The following RIF1 variants were observed in gnomAD, a reference collection of about 807,000 sequenced individuals.
RIF1 encodes telomere-associated protein RIF1.
A neutral mutation model predicts 247.1 loss-of-function variants in RIF1; 45 were observed. The observed-to-expected ratio is 0.18, with a 90% CI of 0.14 to 0.23. The LOEUF (loss-of-function observed/expected upper bound fraction) is 0.23, where lower values mean the gene tolerates loss of function less well. RIF1 is among the 10% of genes least tolerant of loss of function. The probability of loss-of-function intolerance (pLI) is 1.00; values close to 1 mark genes in which losing one functional copy is unlikely to be tolerated. For missense variants in RIF1, 2,967 were observed against 2,862.5 expected, an observed-to-expected ratio of 1.04 and a Z score of -0.83; for synonymous variants, 1,087 against 978.8, an observed-to-expected ratio of 1.11 and a Z score of -2.06.
the RIF1 span, chr2:151,530,947 G>T: frequency 7.8e-7 from 1 of 1,279,682 alleles, no homozygotes; most frequent in Non-Finnish European, 1.1e-6. Context: ...CATCTCATTA[G>T]AAGGAGGCCA....
chr2:151,505,732 G>C (rs143183687), intron 12 of RIF1, among the ~76,000 whole-genome samples: 1 of 152,168 alleles, frequency 6.6e-6, no homozygotes, highest in Non-Finnish European at 1.5e-5. Flanking sequence ...CTGATACTGG[G>C]TAAGAGGAGA....
At chr2:151,456,697 T>G in intron 23 of RIF1, 77 bp downstream of exon 23, 1 of 856,542 alleles carries the variant, frequency 1.2e-6, no homozygotes, top group Non-Finnish European at 1.8e-6. Flanking sequence ...TTCTTAAACA[T>G]AATTCTGCTG....
chr2:151,466,559 A>AT (rs2152509546), intron 30 of RIF1, among the ~76,000 whole-genome samples: 1 of 152,032 alleles, frequency 6.6e-6, no homozygotes, highest in South Asian at 2.1e-4. Flanking sequence ...AAAAAAAAAA[A>AT]CTCATGTGCC....
chr2:151,422,780 G>A (rs1293065508), intron 7 of RIF1, among the ~76,000 whole-genome samples, 170 bp from the exon 8 acceptor site: 1 of 151,754 alleles, frequency 6.6e-6, no homozygotes, highest in Non-Finnish European at 1.5e-5. Context: ...GCCTCCCAAA[G>A]TGCTGGGATT....
intron 9 of RIF1, chr2:151,495,204 C>T (rs1452683056): frequency 1.3e-5 from 2 of 152,178 alleles, no homozygotes; most frequent in African/African-American, 4.8e-5. Flanking sequence ...CATGATAAAT[C>T]CTCAACCTCG....
At chr2:151,422,052 G>A (rs931773838) in intron 7 of RIF1, among the ~76,000 whole-genome samples, 3 of 151,794 alleles carry the variant, frequency 2.0e-5, no homozygotes, top group South Asian at 2.1e-4. Context: ...GGCTGGTCTC[G>A]AACTCCTGAC....
At chr2:151,527,480 C>T in the RIF1 span, 1 of 1,609,632 alleles carries the variant, frequency 6.2e-7, no homozygotes, top group East Asian at 2.2e-5. Flanking sequence ...TCCTGTCTTA[C>T]ATCGCTTTGC....
chr2:151,534,425 G>C, the RIF1 span: 8 of 914,896 alleles, frequency 8.7e-6, no homozygotes, highest in Middle Eastern at 2.2e-4. Flanking sequence ...ATCTCTAGTG[G>C]CGGGCTCCCA....
chr2:151,507,184 G>A, intron 13 of RIF1: 1 of 549,050 alleles, frequency 1.8e-6, no homozygotes, highest in South Asian at 2.5e-5. Flanking sequence ...ATTTTGTGGA[G>A]AAACTAATTT....
the RIF1 span, chr2:151,527,598 GGA>G: frequency 1.1e-5 from 17 of 1,589,412 alleles, no homozygotes; most frequent in Non-Finnish European, 1.5e-5. Context: ...GTTTTTAACA[GGA>G]GAGAAAGGAA....
In RIF1 at chr2:151,416,575, G is replaced by A; in HGVS notation, c.295G>A (p.Glu99Lys). The A allele has an allele frequency of 1.2e-6, 2 of 1,601,340 alleles. No individual in the cohort carries two copies. The highest frequency in any genetic ancestry group is 1.1e-5 in the South Asian group (1 of 88,402). ...TTGTTTTTCAGAGGCAAATGCTCTA[G>A]AATTGCTTTCAAAATTGAATGATAC... ...TSELSEANAL[E>K]LLSKLNDTIK... is the part of the protein sequence containing the mutation. Residue 99 changes from glutamate to lysine, a missense_variant, in exon 5 of 36, where the codon GAA (glutamate) becomes AAA (lysine). Coordinates refer to ENST00000444746, the MANE Select transcript of RIF1 (RefSeq NM_018151.5).
chr2:151,448,677 G>GT lies in RIF1; in HGVS notation c.2244+2103dup, dbSNP rs138520734. Among the ~76,000 whole-genome samples the GT allele has an allele frequency of 2.3e-3, 356 of 152,144 alleles. 9 individuals are homozygous for GT. In the East Asian group the frequency reaches 0.046, roughly 20 times the overall value. On this transcript the variant is annotated intron_variant, in intron 20 of 35. Transcript: ENST00000444746. ...CTAATCGCGCTTGTTTATTTTTGTT[G>GT]TATAGCATCTTATTTCCTTTTTAGT...
chr2:151,446,372 CTTTGA>C (rs1375101759), intron 19 of RIF1, 49 bp from the exon 20 acceptor site: 6 of 1,411,092 alleles, frequency 4.3e-6, no homozygotes, highest in African/African-American at 2.9e-5. Context: ...ATTCTATAAA[CTTTGA>C]TAGATAGGTA....
chr2:151,502,562 AACAGAGT>A (rs2153097081), intron 11 of RIF1, among the ~76,000 whole-genome samples: 1 of 152,254 alleles, frequency 6.6e-6, no homozygotes, highest in Admixed American at 6.5e-5. Context: ...GGAGGAAGAA[AACAGAGT>A]ATTACAGGTT....
At chr2:151,491,700 C>G in intron 9 of RIF1, 1 of 1,595,094 alleles carries the variant, frequency 6.3e-7, no homozygotes, top group South Asian at 1.1e-5. Flanking sequence ...CATGTGTAAG[C>G]TTCGGGACTG....
chr2:151,457,799 A>G lies in RIF1; in HGVS notation c.2691A>G (p.Gln897=), dbSNP rs1325416876. 2.5e-6 allele frequency: 4 copies of G among 1,613,836 alleles called. No individual in the cohort carries two copies. The Admixed American group carries it at 6.7e-5, about 27-fold the overall frequency. The change falls in exon 24 of 36, where the codon CAA becomes CAG. Residue 897 remains glutamine (Q), a synonymous_variant. Transcript: ENST00000444746. ...TGGGAGAAATTATTGCTTGTCTGCA[A>G]TTCAGCTACACCGGAACTTATGATA... ...KLLGEIIACL[Q]FSYTGTYDSE...
intron 20 of RIF1, among the ~76,000 whole-genome samples, chr2:151,450,155 C>T (rs75917305): frequency 2.6e-5 from 4 of 151,854 alleles, no homozygotes; most frequent in African/African-American, 9.7e-5. Flanking sequence ...GATGTCCCCC[C>T]CTTTTTTTTT....
At chr2:151,455,307 T>C in intron 22 of RIF1, 148 bp downstream of exon 22, 1 of 577,776 alleles carries the variant, frequency 1.7e-6, no homozygotes, top group African/African-American at 1.9e-5. Context: ...GTTGAAAAGA[T>C]AGTTAAAATA....
At chr2:151,514,228 CTGTTTT>C in the RIF1 span, 14 of 846,830 alleles carry the variant, frequency 1.7e-5, no homozygotes, top group Middle Eastern at 2.3e-4. Flanking sequence ...TCTCTGTTCT[CTGTTTT>C]TGTTTTGCTT....
Sources: gnomAD v4.1 joint callset for allele counts (sites outside exome capture counted in the v4.1 genomes callset) on GRCh38, gnomAD v4.1.1 for gene constraint, MANE v1.5 for transcripts, NCBI Gene and HGNC (gene_info 2026-07-23, HGNC 2026-07-21) for gene names.